The following APBB2 variants were observed in gnomAD, a reference collection of about 807,000 sequenced individuals.
The protein encoded by APBB2 is Fe65-like 1.
APBB2 carries 38 observed loss-of-function variants against 82.5 expected under a neutral mutation model. That is an observed-to-expected ratio of 0.46 (90% CI 0.36 to 0.60). The LOEUF is 0.60. Ranked by LOEUF, APBB2 falls within the 20% of genes least tolerant of loss-of-function variation. The probability of loss-of-function intolerance (pLI) is 0.00; values close to 1 mark genes in which losing one functional copy is unlikely to be tolerated. For synonymous variants in APBB2, 341 were observed against 368.2 expected (o/e 0.93, Z 0.85); for missense variants, 772 against 972.3 (o/e 0.79, Z 2.74).
At chr4:40,829,286 G>A (rs1001198716) in intron 13 of APBB2, among the ~76,000 whole-genome samples, 11 of 152,272 alleles carry the variant, frequency 7.2e-5, no homozygotes, top group African/African-American at 2.6e-4. Flanking sequence ...GTGTTCATCT[G>A]GGGGATCCAA....
intron 6 of APBB2, among the ~76,000 whole-genome samples, chr4:40,987,967 G>A (rs898658777): frequency 5.9e-5 from 9 of 152,276 alleles, no homozygotes; most frequent in Admixed American, 3.3e-4. Context: ...TCAAACATTA[G>A]TGTTCACCAG....
chr4:40,974,642 C>A (rs973699816), intron 6 of APBB2, among the ~76,000 whole-genome samples: 4 of 152,228 alleles, frequency 2.6e-5, no homozygotes, highest in Admixed American at 6.5e-5. Context: ...TCAGGCATAT[C>A]TAATTCCAAT....
intron 2 of APBB2, among the ~76,000 whole-genome samples, chr4:41,137,131 C>T (rs1395762711): frequency 2.0e-5 from 3 of 152,094 alleles, no homozygotes; most frequent in African/African-American, 2.4e-5. Flanking sequence ...TATACAACTA[C>T]ACTATGTTAC....
At chr4:40,921,845 G>T (rs1052438968) in intron 10 of APBB2, among the ~76,000 whole-genome samples, 4 of 152,186 alleles carry the variant, frequency 2.6e-5, no homozygotes, top group African/African-American at 9.7e-5. Context: ...TAGAGACAAG[G>T]GTCGCTTGCA....
intron 1 of APBB2, among the ~76,000 whole-genome samples, chr4:41,192,429 A>T (rs1429564039): frequency 6.6e-6 from 1 of 152,230 alleles, no homozygotes; most frequent in Non-Finnish European, 1.5e-5. Context: ...AAACTGTGAT[A>T]TATTCATGCA....
chr4:41,130,674 G>A (rs1449580695), intron 2 of APBB2, among the ~76,000 whole-genome samples: 2 of 152,052 alleles, frequency 1.3e-5, no homozygotes, highest in Non-Finnish European at 2.9e-5. Flanking sequence ...GCTCTGTGAG[G>A]AGCTCTTCAG....
intron 10 of APBB2, among the ~76,000 whole-genome samples, chr4:40,927,221 A>G (rs1248645561): frequency 1.3e-5 from 2 of 152,206 alleles, no homozygotes; most frequent in African/African-American, 4.8e-5. Context: ...ATGTGTTTCA[A>G]AGAACAAGGT....
chr4:41,093,734 A>G lies in APBB2; in HGVS notation c.-149+6905T>C, dbSNP rs533278929. Among the ~76,000 whole-genome samples, 105 of 152,244 alleles carry G rather than the reference A, an allele frequency of 6.9e-4. No homozygotes were observed. The South Asian group carries it at 0.014, about 20-fold the overall frequency. On this transcript the variant is annotated intron_variant, in intron 3 of 17. Coordinates refer to ENST00000508593, the MANE Select transcript of APBB2 (RefSeq NM_004307.2). Reference sequence around the variant, plus strand: ...CTGGGCGTGGTGGCGCACGCCTGTAATCCCAGCTACTTGGGAGCCTGAGGC... The same window carrying G: ...CTGGGCGTGGTGGCGCACGCCTGTAGTCCCAGCTACTTGGGAGCCTGAGGC...
Position 41,213,182 on chromosome 4 carries a change from C to T in APBB2, c.-417+1223G>A, listed in dbSNP as rs73809658. Among the ~76,000 whole-genome samples, 1,428 of 151,744 alleles carry T rather than the reference C, an allele frequency of 9.4e-3. 15 individuals are homozygous for T. The highest frequency in any genetic ancestry group is 0.033 in the African/African-American group (1,348 of 41,360). On this transcript the variant is annotated intron_variant, in intron 1 of 17. Transcript: ENST00000508593. ...TTTTTAAATCAGTGAAATATTAAAA[C>T]AAATGATAAACCCATGCCAACCTCA...
intron 16 of APBB2, among the ~76,000 whole-genome samples, chr4:40,822,741 T>C (rs1214335183): frequency 6.6e-6 from 1 of 152,212 alleles, no homozygotes. Flanking sequence ...ACATCTTGAC[T>C]AATTAAATAT....
At chr4:41,095,229 C>T (rs1290424678) in intron 3 of APBB2, among the ~76,000 whole-genome samples, 1 of 152,218 alleles carries the variant, frequency 6.6e-6, no homozygotes, top group Non-Finnish European at 1.5e-5. Context: ...GGGGTAATAA[C>T]ATCCACTGCT....
At chr4:40,878,512 C>T (rs1272916384) in intron 12 of APBB2, among the ~76,000 whole-genome samples, 3 of 152,196 alleles carry the variant, frequency 2.0e-5, no homozygotes, top group Non-Finnish European at 4.4e-5. Flanking sequence ...TCTTCATCCA[C>T]TGTGTCCCTG....
rs1020884121 is a variant in APBB2 at position 40,866,880 on chromosome 4, G to A, written c.1529+23484C>T. On this transcript the variant is annotated intron_variant, in intron 12 of 17. Coordinates refer to ENST00000508593, the MANE Select transcript of APBB2 (RefSeq NM_004307.2). Reference sequence around the variant, plus strand: ...TTACAGGTGTGCGCCACCATGCCTGGCTAATTTTTTGTATTTTTAGTAGAA... The same window carrying A: ...TTACAGGTGTGCGCCACCATGCCTGACTAATTTTTTGTATTTTTAGTAGAA... 4.6e-5 allele frequency among the ~76,000 whole-genome samples: 7 copies of A among 152,156 alleles called. No homozygotes were observed. In the South Asian group the frequency reaches 1.2e-3, roughly 27 times the overall value.
rs114114383 is a variant in APBB2, at chr4:41,144,976, C to T, written c.-416-1834G>A. ...CTCTACAAAAATTTAAAAAATTAGC[C>T]GGGCATGTTGGGACATGCCTGTGGG... On this transcript the variant is annotated intron_variant, in intron 1 of 17. Coordinates refer to ENST00000508593, the MANE Select transcript of APBB2 (RefSeq NM_004307.2). Among the ~76,000 whole-genome samples the T allele has an allele frequency of 2.5e-3, 379 of 152,218 alleles. 1 individual carries two copies. Among genetic ancestry groups the T allele is most frequent in the African/African-American group, 8.7e-3 (361 of 41,528 alleles).
intron 12 of APBB2, among the ~76,000 whole-genome samples, chr4:40,851,738 A>ATAT (rs1192919460): frequency 3.0e-5 from 2 of 67,736 alleles, no homozygotes; most frequent in South Asian, 4.8e-4. Flanking sequence ...ATATATATAT[A>ATAT]TTTTTTTTTT....
intron 12 of APBB2, among the ~76,000 whole-genome samples, chr4:40,859,991 C>T (rs543586138): frequency 1.3e-5 from 2 of 152,358 alleles, no homozygotes; most frequent in South Asian, 4.1e-4. Flanking sequence ...AGTGTCCTCC[C>T]TGACAGCATC....
At chr4:41,007,289 G>A (rs1026190064) in intron 6 of APBB2, among the ~76,000 whole-genome samples, 1 of 151,820 alleles carries the variant, frequency 6.6e-6, no homozygotes, top group African/African-American at 2.4e-5. Flanking sequence ...TCCTCGCCAT[G>A]TTATTCTGCA....
rs374073724 is a variant in APBB2 at position 41,013,810 on chromosome 4, T to C, written c.608A>G (p.Asn203Ser). ...TGGTTTCTGCAGCAGCAAATCGCCA[T>C]TCCCAATGATGGTGGAGGCCTGGCC... ...VQGQASTIIG[N>S]GDLLLQKPNR... Residue 203 changes from asparagine (N) to serine (S), a missense_variant, in exon 6 of 18, where the codon AAT becomes AGT. Coordinates refer to ENST00000508593, the MANE Select transcript of APBB2 (RefSeq NM_004307.2). 60 of 1,614,102 alleles carry C rather than the reference T, an allele frequency of 3.7e-5. No homozygotes were observed. The African/African-American group carries it at 6.5e-4, about 18-fold the overall frequency.
At chr4:40,918,912 C>T (rs35526564) in intron 10 of APBB2, among the ~76,000 whole-genome samples, 34,097 of 150,364 alleles carry the variant, frequency 0.23, 4,770 homozygotes, top group East Asian at 0.48. Context: ...TGCCTGGCTG[C>T]AATTTCCATT....
Sources: gnomAD v4.1 joint callset for allele counts (sites outside exome capture counted in the v4.1 genomes callset) on GRCh38, gnomAD v4.1.1 for gene constraint, MANE v1.5 for transcripts, NCBI Gene and HGNC (gene_info 2026-07-23, HGNC 2026-07-21) for gene names.